Variants in PRKAR1A observed in about 807,000 individuals in gnomAD.
PRKAR1A encodes protein kinase cAMP-dependent type I regulatory subunit alpha, also known as cAMP-dependent protein kinase type I-alpha regulatory subunit.
Under a neutral mutation model 52.0 loss-of-function variants are expected in PRKAR1A, and 3 were observed. That is an observed-to-expected ratio of 0.06 (90% CI 0.03 to 0.15). The LOEUF (loss-of-function observed/expected upper bound fraction) is 0.15, where lower values mean the gene tolerates loss of function less well. Ranked by LOEUF, PRKAR1A falls within the 10% of genes least tolerant of loss-of-function variation. The probability of loss-of-function intolerance (pLI) is 1.00; values close to 1 mark genes in which losing one functional copy is unlikely to be tolerated. For synonymous variants in PRKAR1A, 188 were observed against 168.4 expected (o/e 1.12, Z -0.90); for missense variants, 240 against 477.4 (o/e 0.50, Z 4.63).
At chr17:68,522,123 C>G (rs1423773621) in intron 2 of PRKAR1A, among the ~76,000 whole-genome samples, 2 of 152,168 alleles carry the variant, frequency 1.3e-5, no homozygotes, top group African/African-American at 4.8e-5. Flanking sequence ...TCGTGGTTAC[C>G]ATCACATCAT....
intron 6 of PRKAR1A, 114 bp from the exon 7 acceptor site, chr17:68,525,640 C>T (rs2085765723): frequency 3.5e-6 from 4 of 1,140,252 alleles, no homozygotes; most frequent in Middle Eastern, 2.3e-4. Flanking sequence ...ATAATATATT[C>T]TGTTTTTTAA....
the PRKAR1A span, among the ~76,000 whole-genome samples, chr17:68,455,204 A>G: frequency 6.6e-6 from 1 of 152,206 alleles, no homozygotes; most frequent in African/African-American, 2.4e-5. Context: ...TCTACTAAAA[A>G]TACAAAAAAT....
the PRKAR1A span, among the ~76,000 whole-genome samples, chr17:68,425,308 A>G: frequency 6.6e-6 from 1 of 151,456 alleles, no homozygotes; most frequent in East Asian, 1.9e-4. Flanking sequence ...GGCTCAGGTG[A>G]TCCTCCCATC....
At chr17:68,482,976 A>G in the PRKAR1A span, among the ~76,000 whole-genome samples, 1 of 152,200 alleles carries the variant, frequency 6.6e-6, no homozygotes, top group Non-Finnish European at 1.5e-5. Context: ...AGGAAGTCCA[A>G]TTTATCAGTT....
the PRKAR1A span, chr17:68,436,495 C>G: frequency 6.2e-7 from 1 of 1,611,596 alleles, no homozygotes; most frequent in South Asian, 1.1e-5. Context: ...AAAGAAGAAA[C>G]AGAACATGAG....
In PRKAR1A at chr17:68,531,200, A is replaced by G; in HGVS notation, c.*751A>G. On this transcript the variant is annotated 3_prime_UTR_variant, in exon 11 of 11. Transcript: ENST00000589228. ...CAAATATTGGTTAGTATTTAACTAC[A>G]TCTGCCTCGGCTCACAAATTCCGAT... 1 of 1,066,224 alleles carries G rather than the reference A, an allele frequency of 9.4e-7. No homozygotes were observed. Among genetic ancestry groups the G allele is most frequent in the Non-Finnish European group, 1.1e-6 (1 of 879,458 alleles). The allele number at this position is 1,066,224 out of a possible 1,614,324, so 66.0% of individuals were successfully genotyped here. A position where few individuals can be genotyped will look rare whatever the true frequency, so the allele number is the denominator to read the frequency against.
At chr17:68,465,168 G>A in the PRKAR1A span, among the ~76,000 whole-genome samples, 101 of 151,712 alleles carry the variant, frequency 6.7e-4, 5 homozygotes, top group East Asian at 1.9e-4. Context: ...ACCTGACCTC[G>A]TGATCTGCCC....
the PRKAR1A span, among the ~76,000 whole-genome samples, chr17:68,485,737 ACTTT>A: frequency 6.6e-6 from 1 of 152,020 alleles, no homozygotes; most frequent in Non-Finnish European, 1.5e-5. Flanking sequence ...AAAGAAACAT[ACTTT>A]AAGTTTCTTT....
At chr17:68,494,210 C>T in the PRKAR1A span, among the ~76,000 whole-genome samples, 43 of 152,268 alleles carry the variant, frequency 2.8e-4, no homozygotes, top group African/African-American at 1.0e-3. Flanking sequence ...ATTCCCTTCC[C>T]CTTGAATCTA....
chr17:68,532,670 A>G lies in PRKAR1A; in HGVS notation c.*2221A>G. 9.4e-7 allele frequency: 1 copy of G among 1,066,364 alleles called. No individual in the cohort carries two copies. The highest frequency in any genetic ancestry group is 1.1e-6 in the Non-Finnish European group (1 of 879,670). The allele number at this position is 1,066,364 out of a possible 1,614,324, so 66.1% of individuals were successfully genotyped here. ...CGTTTTGTATTGCTTCCTGATTACC[A>G]GTCTGATTATACCATGTGTGCTAAT... On this transcript the variant is annotated 3_prime_UTR_variant, in exon 11 of 11. Coordinates refer to ENST00000589228, the MANE Select transcript of PRKAR1A (RefSeq NM_002734.5).
rs747654899 is a variant in PRKAR1A, at chr17:68,550,369, CT to C, written c.974-688del. ...CTTTCACATAGGAAAAATGGGGGAA[CT>C]TTTTTTTTTTTTTTTTTTTTTTTTT... On this transcript the variant is annotated intron_variant, in intron 11 of 11. Transcript: ENST00000585981. Among the ~76,000 whole-genome samples the C allele has an allele frequency of 1.2e-3, 98 of 79,380 alleles. 1 individual carries two copies. Among genetic ancestry groups the C allele is most frequent in the Middle Eastern group, 0.012 (1 of 84 alleles). The allele number at this position is 79,380 out of a possible 152,430, so 52.1% of individuals were successfully genotyped here.
chr17:68,440,535 CT>C, the PRKAR1A span, among the ~76,000 whole-genome samples: 2 of 152,152 alleles, frequency 1.3e-5, no homozygotes, highest in Non-Finnish European at 2.9e-5. Flanking sequence ...AACCCAGAGG[CT>C]TTTCACTGTT....
the PRKAR1A span, among the ~76,000 whole-genome samples, chr17:68,419,017 CAAAAAAA>C: frequency 1.6e-4 from 18 of 112,950 alleles, no homozygotes; most frequent in Admixed American, 2.9e-4. Context: ...ATAGCAAAGC[CAAAAAAA>C]AAAAAAAAAA....
intron 11 of PRKAR1A, chr17:68,540,769 A>G (rs2086250504): frequency 1.3e-6 from 2 of 1,526,010 alleles, no homozygotes; most frequent in African/African-American, 2.8e-5. Context: ...CCAGGTTGTA[A>G]GTTTGTGCTC....
chr17:68,550,985 T>A, intron 11 of PRKAR1A: 1 of 1,060,246 alleles, frequency 9.4e-7, no homozygotes, highest in African/African-American at 1.6e-5. Context: ...AGGTTTGGAA[T>A]CTGCCAGTCT....
the PRKAR1A span, among the ~76,000 whole-genome samples, chr17:68,432,973 T>G: frequency 6.6e-6 from 1 of 152,264 alleles, no homozygotes; most frequent in African/African-American, 2.4e-5. Context: ...TAGGCTTTTC[T>G]TTCACTTTTC....
the PRKAR1A span, among the ~76,000 whole-genome samples, chr17:68,481,973 C>T: frequency 6.6e-6 from 1 of 152,142 alleles, no homozygotes; most frequent in Non-Finnish European, 1.5e-5. Context: ...GAAGAAATGC[C>T]CTACCTTTAA....
the PRKAR1A span, chr17:68,422,043 C>G: frequency 3.4e-5 from 20 of 584,856 alleles, no homozygotes; most frequent in South Asian, 9.9e-5. Flanking sequence ...AAAAATGTCT[C>G]TGTGTGTGTG....
At chr17:68,434,675 C>A in the PRKAR1A span, 1 of 1,589,646 alleles carries the variant, frequency 6.3e-7, no homozygotes, top group Non-Finnish European at 8.6e-7. Flanking sequence ...TGGCTTTACA[C>A]AGAGATGTCC....
Sources: gnomAD v4.1 joint callset for allele counts (sites outside exome capture counted in the v4.1 genomes callset) on GRCh38, gnomAD v4.1.1 for gene constraint, MANE v1.5 for transcripts, NCBI Gene and HGNC (gene_info 2026-07-23, HGNC 2026-07-21) for gene names.